DLGAP2: variants seen among roughly 807,000 people sequenced by gnomAD.
DLGAP2 encodes disks large-associated protein 2.
Under a neutral mutation model 100.3 loss-of-function variants are expected in DLGAP2, and 26 were observed. The observed-to-expected ratio is 0.26, with a 90% CI of 0.19 to 0.36. The LOEUF (loss-of-function observed/expected upper bound fraction) is 0.36. Among genes scored for constraint, DLGAP2 ranks in the 10% least tolerant of loss-of-function variants. The pLI is 1.00. For synonymous variants in DLGAP2, 886 were observed against 630.1 expected (o/e 1.41, Z -6.08); for missense variants, 1,858 against 1,453.2 (o/e 1.28, Z -4.53).
At chr8:1,177,939 C>T (rs1797297601) in intron 2 of DLGAP2, among the ~76,000 whole-genome samples, 1 of 152,214 alleles carries the variant, frequency 6.6e-6, no homozygotes, top group African/African-American at 2.4e-5. Flanking sequence ...TCAGGAAGCA[C>T]CAGCTGAGGC....
intron 2 of DLGAP2, among the ~76,000 whole-genome samples, chr8:1,227,412 G>T (rs192104492): frequency 2.0e-5 from 3 of 149,606 alleles, no homozygotes. Flanking sequence ...ATCTTTCTCC[G>T]TACATTTACT....
chr8:1,553,730 T>C (rs972719581), intron 5 of DLGAP2, among the ~76,000 whole-genome samples: 2 of 152,054 alleles, frequency 1.3e-5, no homozygotes, highest in Non-Finnish European at 2.9e-5. Flanking sequence ...AAGGACGTGT[T>C]GCGGGTCCCA....
intron 12 of DLGAP2, 26 bp downstream of exon 12, chr8:1,678,655 C>G (rs1219898573): frequency 6.8e-7 from 1 of 1,469,260 alleles, no homozygotes; most frequent in Admixed American, 2.5e-5. Flanking sequence ...TCCCTAGGGC[C>G]TCTTAAATAT....
At chr8:1,145,414 G>A (rs1796589325) in intron 2 of DLGAP2, among the ~76,000 whole-genome samples, 1 of 152,194 alleles carries the variant, frequency 6.6e-6, no homozygotes, top group African/African-American at 2.4e-5. Flanking sequence ...AGACCTGGCT[G>A]AGCTGGTGTG....
intron 2 of DLGAP2, among the ~76,000 whole-genome samples, chr8:1,045,369 A>G (rs557584423): frequency 6.6e-6 from 1 of 152,318 alleles, no homozygotes; most frequent in East Asian, 1.9e-4. Flanking sequence ...TTCATTTTTT[A>G]AAGTTGATAA....
chr8:1,193,531 G>T (rs771977157), intron 2 of DLGAP2, among the ~76,000 whole-genome samples: 8 of 152,184 alleles, frequency 5.3e-5, no homozygotes, highest in African/African-American at 9.7e-5. Flanking sequence ...CATTCACGCT[G>T]AAATCCACAG....
chr8:1,497,697 G>C (rs984357529), intron 3 of DLGAP2, among the ~76,000 whole-genome samples: 4 of 152,200 alleles, frequency 2.6e-5, no homozygotes, highest in African/African-American at 7.2e-5. Context: ...GGCGAACAGG[G>C]TTCTTGCCTA....
At chr8:1,098,469 G>T (rs1804464042) in intron 2 of DLGAP2, among the ~76,000 whole-genome samples, 2 of 152,294 alleles carry the variant, frequency 1.3e-5, no homozygotes, top group Admixed American at 6.5e-5. Context: ...GTAAATCTGA[G>T]AATGTTTTCC....
intron 4 of DLGAP2, among the ~76,000 whole-genome samples, chr8:1,515,328 A>T (rs1319087067): frequency 6.6e-6 from 1 of 152,192 alleles, no homozygotes; most frequent in African/African-American, 2.4e-5. Context: ...CACAGAGAAA[A>T]GGAGTCCTCT....
intron 4 of DLGAP2, among the ~76,000 whole-genome samples, chr8:1,519,090 G>A (rs1214026449): frequency 2.0e-5 from 3 of 152,184 alleles, no homozygotes; most frequent in African/African-American, 7.2e-5. Flanking sequence ...GGCAGTCCAG[G>A]AAGGGATACG....
intron 2 of DLGAP2, among the ~76,000 whole-genome samples, chr8:1,026,987 G>T (rs1801819489): frequency 6.6e-6 from 1 of 152,160 alleles, no homozygotes; most frequent in African/African-American, 2.4e-5. Flanking sequence ...ACGCTTAAAA[G>T]TTAACCAAAT....
chr8:1,307,117 A>G (rs189233525), intron 3 of DLGAP2, among the ~76,000 whole-genome samples: 1 of 152,314 alleles, frequency 6.6e-6, no homozygotes, highest in Admixed American at 6.5e-5. Flanking sequence ...AGTAGATATC[A>G]TATATCAAAA....
chr8:1,541,928 G>C (rs947304158), intron 4 of DLGAP2, among the ~76,000 whole-genome samples: 1 of 152,144 alleles, frequency 6.6e-6, no homozygotes, highest in African/African-American at 2.4e-5. Context: ...TGAGAATGAA[G>C]GCAAAGAAAA....
chr8:1,305,213 A>T (rs77218435), intron 3 of DLGAP2, among the ~76,000 whole-genome samples: 1,637 of 152,320 alleles, frequency 0.011, 26 homozygotes, highest in African/African-American at 0.037. Flanking sequence ...CCTTTAAAAA[A>T]TGAAAGTAGC....
intron 2 of DLGAP2, among the ~76,000 whole-genome samples, chr8:1,166,715 A>G (rs1392038776): frequency 6.6e-6 from 1 of 152,204 alleles, no homozygotes; most frequent in East Asian, 1.9e-4. Context: ...GTATCTATCA[A>G]AAAACATCAC....
chr8:1,323,172 G>A (rs1800945367), intron 3 of DLGAP2, among the ~76,000 whole-genome samples: 1 of 151,886 alleles, frequency 6.6e-6, no homozygotes, highest in Non-Finnish European at 1.5e-5. Context: ...TGGGACTACA[G>A]GCACCAGCCT....
chr8:1,181,193 C>T (rs1247313490), intron 2 of DLGAP2, among the ~76,000 whole-genome samples: 2 of 133,086 alleles, frequency 1.5e-5, no homozygotes, highest in Non-Finnish European at 3.2e-5. Context: ...GGTGGCTGTG[C>T]AAGGGCAGTA....
intron 2 of DLGAP2, among the ~76,000 whole-genome samples, chr8:1,116,944 C>G (rs2129046833): frequency 6.6e-6 from 1 of 152,364 alleles, no homozygotes; most frequent in South Asian, 2.1e-4. Context: ...CCAACAGCTA[C>G]TGGCTTCCTC....
intron 3 of DLGAP2, among the ~76,000 whole-genome samples, chr8:1,339,155 G>T (rs1049618083): frequency 6.6e-6 from 1 of 150,926 alleles, no homozygotes; most frequent in South Asian, 2.1e-4. Context: ...TCAGGACCCG[G>T]GAGGGAAGGC....
Sources: allele counts gnomAD v4.1 joint callset (sites outside exome capture counted in the v4.1 genomes callset), GRCh38; gene constraint gnomAD v4.1.1; transcripts MANE v1.5; gene names NCBI Gene and HGNC (gene_info 2026-07-23, HGNC 2026-07-21).